Variants in DAB1 observed in about 807,000 individuals in gnomAD.
DAB1 encodes the protein disabled homolog 1.
Under a neutral mutation model 64.6 loss-of-function variants are expected in DAB1, and 15 were observed. The observed-to-expected ratio is 0.23, with a 90% CI of 0.16 to 0.36. The LOEUF (loss-of-function observed/expected upper bound fraction) is 0.36, where lower values mean the gene tolerates loss of function less well. Ranked by LOEUF, DAB1 falls within the 10% of genes least tolerant of loss-of-function variation. The pLI, the probability that DAB1 is intolerant of heterozygous loss-of-function variation, is 1.00. For missense variants in DAB1, 596 were observed against 706.7 expected, an observed-to-expected ratio of 0.84 and a Z score of 1.78; for synonymous variants, 235 against 251.9, an observed-to-expected ratio of 0.93 and a Z score of 0.64.
Position 57,605,728 on chromosome 1 carries a change from T to C in DAB1, n.625+43864A>G. ...ATCACTGAACACTGATGTTTTCTTC[T>C]AAACACAGTTTAATCCCTAAACTGA... On this transcript the variant is annotated intron_variant and non_coding_transcript_variant, in intron 7 of 20. Coordinates refer to the DAB1 transcript ENST00000485760. 2.0e-5 allele frequency: 6 copies of C among 303,308 alleles called. No homozygotes were observed. In the South Asian group the frequency reaches 2.5e-4, roughly 13 times the overall value. 18.8% of individuals were successfully genotyped at this position (303,308 alleles called of 1,614,324 possible). A position where few individuals can be genotyped will look rare whatever the true frequency, so the allele number is the denominator to read the frequency against.
At chr1:58,315,683 C>A (rs565779579) in intron 4 of DAB1, among the ~76,000 whole-genome samples, 210 of 152,198 alleles carry the variant, frequency 1.4e-3, no homozygotes, top group African/African-American at 5.0e-3. Flanking sequence ...TGGAAATGTA[C>A]AATTCCTTTA....
intron 2 of DAB1, among the ~76,000 whole-genome samples, chr1:57,146,157 G>T (rs923583099): frequency 1.3e-5 from 2 of 152,148 alleles, no homozygotes; most frequent in Non-Finnish European, 2.9e-5. Context: ...CTGAGCAAGC[G>T]CTTCATGCCA....
intron 2 of DAB1, among the ~76,000 whole-genome samples, chr1:57,266,487 A>G (rs1670598575): frequency 6.6e-6 from 1 of 152,076 alleles, no homozygotes; most frequent in Admixed American, 6.6e-5. Flanking sequence ...TCTAGGCCCA[A>G]TGCCACCTCC....
chr1:57,173,705 T>C (rs1021787707), intron 2 of DAB1, among the ~76,000 whole-genome samples: 23 of 152,224 alleles, frequency 1.5e-4, no homozygotes, highest in African/African-American at 5.5e-4. Flanking sequence ...CATTTTCTTT[T>C]GTTACTTGGC....
At chr1:57,386,308 T>C (rs1468851050) in intron 1 of DAB1, among the ~76,000 whole-genome samples, 3 of 147,094 alleles carry the variant, frequency 2.0e-5, no homozygotes, top group African/African-American at 5.1e-5. Context: ...GACACAATTA[T>C]GCACTAGGAC....
intron 7 of DAB1, among the ~76,000 whole-genome samples, chr1:57,432,280 T>G (rs889016470): frequency 2.6e-5 from 4 of 152,188 alleles, no homozygotes; most frequent in African/African-American, 9.7e-5. Flanking sequence ...CCATTCCTCC[T>G]TCTTCTAAAA....
At chr1:57,562,407 G>C (rs1254378438) in intron 7 of DAB1, among the ~76,000 whole-genome samples, 5 of 152,106 alleles carry the variant, frequency 3.3e-5, no homozygotes, top group Admixed American at 2.6e-4. Flanking sequence ...CTGTGGCAGG[G>C]GGCTCATGCT....
chr1:57,924,591 C>A (rs1644853179), intron 5 of DAB1, among the ~76,000 whole-genome samples: 1 of 150,648 alleles, frequency 6.6e-6, no homozygotes, highest in Non-Finnish European at 1.5e-5. Context: ...TCCCGAGTAG[C>A]TGGGATTACA....
At chr1:57,022,280 G>T (rs1646647101) in intron 11 of DAB1, among the ~76,000 whole-genome samples, 3 of 152,198 alleles carry the variant, frequency 2.0e-5, no homozygotes. Context: ...GCATAGAAGG[G>T]TGGTGCATTT....
chr1:57,184,601 G>A (rs1053520560), intron 2 of DAB1, among the ~76,000 whole-genome samples: 5 of 152,066 alleles, frequency 3.3e-5, no homozygotes, highest in East Asian at 3.9e-4. Flanking sequence ...GATTCTACAC[G>A]GTGACGACAT....
chr1:57,242,595 C>T (rs1668574217), intron 2 of DAB1, among the ~76,000 whole-genome samples: 1 of 152,162 alleles, frequency 6.6e-6, no homozygotes, highest in Non-Finnish European at 1.5e-5. Context: ...CAGCAACATA[C>T]ACACAACTCC....
chr1:57,791,589 AC>A (rs1650601794), intron 6 of DAB1, among the ~76,000 whole-genome samples: 1 of 152,178 alleles, frequency 6.6e-6, no homozygotes, highest in African/African-American at 2.4e-5. Flanking sequence ...GATAATAACC[AC>A]CTTGCAGAGT....
At chr1:57,369,028 G>A (rs1208963764) in intron 1 of DAB1, among the ~76,000 whole-genome samples, 1 of 152,168 alleles carries the variant, frequency 6.6e-6, no homozygotes, top group Non-Finnish European at 1.5e-5. Context: ...TTGCTCCATT[G>A]TGGTGCCAGA....
intron 4 of DAB1, among the ~76,000 whole-genome samples, chr1:58,156,970 A>C (rs1655260487): frequency 1.3e-5 from 2 of 152,218 alleles, no homozygotes; most frequent in South Asian, 4.1e-4. Context: ...TGGTAGTAAC[A>C]GCATCTGGTC....
Position 57,642,240 on chromosome 1 carries a change from A to G in DAB1, n.625+7352T>C, listed in dbSNP as rs552491109. Among the ~76,000 whole-genome samples, 55 of 152,318 alleles carry G rather than the reference A, an allele frequency of 3.6e-4. 2 individuals are homozygous for G. In the South Asian group the frequency reaches 8.9e-3, roughly 25 times the overall value. On this transcript the variant is annotated intron_variant and non_coding_transcript_variant, in intron 7 of 20. Coordinates refer to the DAB1 transcript ENST00000485760. ...TGCAAACAGAAAAATATAATATACC[A>G]TGTTAAGTGATTTAATAAAGAATCT...
intron 2 of DAB1, among the ~76,000 whole-genome samples, chr1:57,222,751 A>C (rs1032004300): frequency 3.3e-5 from 5 of 152,170 alleles, no homozygotes; most frequent in African/African-American, 4.8e-5. Context: ...GGATAGGTAT[A>C]ATTGTGCTCA....
At chr1:57,383,726 C>A (rs965321745) in intron 1 of DAB1, among the ~76,000 whole-genome samples, 2 of 152,012 alleles carry the variant, frequency 1.3e-5, no homozygotes, top group East Asian at 1.9e-4. Flanking sequence ...GAAATTGGAC[C>A]CTTACCTAAC....
chr1:57,372,863 C>T (rs1570394542), intron 1 of DAB1, among the ~76,000 whole-genome samples: 2 of 152,084 alleles, frequency 1.3e-5, no homozygotes, highest in Non-Finnish European at 2.9e-5. Flanking sequence ...ACTTCTCTCT[C>T]CTTCCATGTC....
chr1:58,342,725 C>A (rs1471359326), intron 4 of DAB1, among the ~76,000 whole-genome samples: 1 of 152,168 alleles, frequency 6.6e-6, no homozygotes, highest in African/African-American at 2.4e-5. Flanking sequence ...GCATCCTAGA[C>A]CTCTCTCAAT....
Sources: allele counts gnomAD v4.1 joint callset (sites outside exome capture counted in the v4.1 genomes callset), GRCh38; gene constraint gnomAD v4.1.1; transcripts MANE v1.5; gene names NCBI Gene and HGNC (gene_info 2026-07-23, HGNC 2026-07-21).